Variants in ABLIM1 observed in about 807,000 individuals in gnomAD.
The protein encoded by ABLIM1 is actin-binding LIM protein 1.
Under a neutral mutation model 107.0 loss-of-function variants are expected in ABLIM1, and 40 were observed. The ratio of observed to expected loss-of-function variants is 0.37; its 90% CI spans 0.29 to 0.49. The LOEUF (loss-of-function observed/expected upper bound fraction) is 0.49, where lower values mean the gene tolerates loss of function less well. Ranked by LOEUF, ABLIM1 falls within the 20% of genes least tolerant of loss-of-function variation. The pLI is 0.97. For missense variants in ABLIM1, 857 were observed against 1,008.5 expected, an observed-to-expected ratio of 0.85 and a Z score of 2.04; for synonymous variants, 357 against 357.3, an observed-to-expected ratio of 1.00 and a Z score of 0.01.
At chr10:114,580,111 T>C (rs1213287495) in intron 2 of ABLIM1, among the ~76,000 whole-genome samples, 1 of 151,620 alleles carries the variant, frequency 6.6e-6, no homozygotes, top group African/African-American at 2.4e-5. Context: ...GAACCATGAA[T>C]CAGTTTTACA....
intron 1 of ABLIM1, among the ~76,000 whole-genome samples, chr10:114,674,307 A>AG (rs1393219135): frequency 6.6e-6 from 1 of 150,478 alleles, no homozygotes; most frequent in African/African-American, 2.4e-5. Context: ...AAAAAAAAAA[A>AG]TTAATTAATT....
the ABLIM1 span, chr10:114,778,009 G>C: frequency 6.6e-6 from 1 of 152,204 alleles, no homozygotes; most frequent in Non-Finnish European, 1.5e-5. Context: ...GGAAATACAA[G>C]TCAGAAGTCA....
intron 2 of ABLIM1, among the ~76,000 whole-genome samples, chr10:114,585,268 G>A (rs4752014): frequency 8.6e-5 from 13 of 151,900 alleles, no homozygotes; most frequent in Admixed American, 3.9e-4. Context: ...CCCTTTTTTA[G>A]TCTCCAGATA....
chr10:114,764,205 G>A (rs2082824982), intron 1 of ABLIM1, among the ~76,000 whole-genome samples: 1 of 152,192 alleles, frequency 6.6e-6, no homozygotes, highest in South Asian at 2.1e-4. Flanking sequence ...ACAAGTCTTT[G>A]ATGAGAGTAT....
chr10:114,457,458 C>T (rs186233176), intron 12 of ABLIM1, among the ~76,000 whole-genome samples: 4 of 152,090 alleles, frequency 2.6e-5, no homozygotes, highest in East Asian at 1.9e-4. Context: ...TTAGTAGAGA[C>T]GGGGTTTCAT....
chr10:114,790,680 T>C, the ABLIM1 span, among the ~76,000 whole-genome samples: 1 of 152,240 alleles, frequency 6.6e-6, no homozygotes, highest in East Asian at 1.9e-4. Context: ...CTTAATTGGT[T>C]CAGAATTGAG....
chr10:114,631,596 G>T (rs377311443), intron 1 of ABLIM1, among the ~76,000 whole-genome samples: 1 of 152,020 alleles, frequency 6.6e-6, no homozygotes, highest in African/African-American at 2.4e-5. Context: ...TGGCTGGGAT[G>T]GGGGGCAAGA....
chr10:114,765,943 A>G (rs2082881830), intron 1 of ABLIM1, among the ~76,000 whole-genome samples: 1 of 150,980 alleles, frequency 6.6e-6, no homozygotes, highest in African/African-American at 2.4e-5. Flanking sequence ...TTTCCTTTCA[A>G]TGCCATGTCT....
chr10:114,748,732 G>A (rs1566300364), intron 1 of ABLIM1, among the ~76,000 whole-genome samples: 1 of 149,244 alleles, frequency 6.7e-6, no homozygotes, highest in South Asian at 2.1e-4. Context: ...TCATAGCTCA[G>A]TGCAGCCTCA....
At chr10:114,513,591 A>G (rs897370453) in intron 6 of ABLIM1, among the ~76,000 whole-genome samples, 6 of 152,194 alleles carry the variant, frequency 3.9e-5, no homozygotes, top group African/African-American at 1.4e-4. Flanking sequence ...GTAAATGACC[A>G]GCAATCAAAG....
chr10:114,769,447 GAA>G (rs1255245630), upstream of ABLIM1, among the ~76,000 whole-genome samples: 3 of 38,514 alleles, frequency 7.8e-5, no homozygotes, highest in African/African-American at 1.6e-4. Flanking sequence ...AAGAAAGAAA[GAA>G]AGAAAGAAAG....
At chr10:114,595,376 C>T (rs1405843506) in intron 2 of ABLIM1, among the ~76,000 whole-genome samples, 2 of 152,126 alleles carry the variant, frequency 1.3e-5, no homozygotes, top group Non-Finnish European at 2.9e-5. Flanking sequence ...CATTCAAATC[C>T]AAATAGAGAT....
At chr10:114,675,682 A>G (rs2080450314) in intron 1 of ABLIM1, among the ~76,000 whole-genome samples, 5 of 152,230 alleles carry the variant, frequency 3.3e-5, no homozygotes, top group South Asian at 2.1e-4. Flanking sequence ...ATTAGCTAAG[A>G]TGTACTAGTT....
intron 1 of ABLIM1, among the ~76,000 whole-genome samples, chr10:114,724,371 G>A (rs1177899582): frequency 6.6e-6 from 1 of 152,162 alleles, no homozygotes; most frequent in African/African-American, 2.4e-5. Flanking sequence ...GCTCTCAAAT[G>A]AGAGCTATCC....
At chr10:114,672,993 C>T (rs2080319533) in intron 1 of ABLIM1, among the ~76,000 whole-genome samples, 1 of 152,156 alleles carries the variant, frequency 6.6e-6, no homozygotes, top group African/African-American at 2.4e-5. Context: ...CTCAGTGGCT[C>T]ATGCCTGTAA....
At chr10:114,681,791 G>C (rs967949728) in intron 1 of ABLIM1, among the ~76,000 whole-genome samples, 1 of 152,196 alleles carries the variant, frequency 6.6e-6, no homozygotes, top group Non-Finnish European at 1.5e-5. Flanking sequence ...GTCTATTGCT[G>C]ACTGTTTTAT....
intron 1 of ABLIM1, among the ~76,000 whole-genome samples, chr10:114,720,669 T>C (rs928011412): frequency 6.6e-6 from 1 of 152,122 alleles, no homozygotes; most frequent in Non-Finnish European, 1.5e-5. Context: ...AACCTCCTTG[T>C]TGACGATTTT....
At chr10:114,799,224 C>A in the ABLIM1 span, among the ~76,000 whole-genome samples, 1 of 152,222 alleles carries the variant, frequency 6.6e-6, no homozygotes, top group East Asian at 1.9e-4. Context: ...TTCCCAGCCT[C>A]CAAATCTTGG....
intron 1 of ABLIM1, among the ~76,000 whole-genome samples, chr10:114,752,463 C>T (rs1448512214): frequency 6.6e-6 from 1 of 152,070 alleles, no homozygotes; most frequent in Non-Finnish European, 1.5e-5. Flanking sequence ...CCGGGGTAAA[C>T]GTTCAGGATG....
Sources: allele counts gnomAD v4.1 joint callset (sites outside exome capture counted in the v4.1 genomes callset), GRCh38; gene constraint gnomAD v4.1.1; transcripts MANE v1.5; gene names NCBI Gene and HGNC (gene_info 2026-07-23, HGNC 2026-07-21).